Variants in GPC5 observed in about 807,000 individuals in gnomAD.
GPC5 encodes the protein glypican-5.
In GPC5, 47 loss-of-function variants were observed where a neutral mutation model predicts 53.9. That is an observed-to-expected ratio of 0.87 (90% CI 0.69 to 1.11). The LOEUF (loss-of-function observed/expected upper bound fraction) is 1.11, where lower values mean the gene tolerates loss of function less well. GPC5 is among the 50% of genes most tolerant of loss of function. GPC5 has a pLI of 0.00. For missense variants in GPC5, 748 were observed against 713.1 expected (o/e 1.05, Z -0.56); for synonymous variants, 286 against 263.3 (o/e 1.09, Z -0.84).
At chr13:91,530,206 C>T (rs918647789) in intron 2 of GPC5, among the ~76,000 whole-genome samples, 5 of 152,212 alleles carry the variant, frequency 3.3e-5, no homozygotes, top group African/African-American at 9.6e-5. Flanking sequence ...CATCATTACT[C>T]TTCACTTAAA....
chr13:92,716,036 C>T (rs959249063), intron 7 of GPC5, among the ~76,000 whole-genome samples: 13 of 152,126 alleles, frequency 8.5e-5, no homozygotes, highest in African/African-American at 2.9e-4. Context: ...TCCTTATTGT[C>T]AATGATGAAG....
At chr13:92,156,729 A>G (rs898620809) in intron 7 of GPC5, among the ~76,000 whole-genome samples, 7 of 152,084 alleles carry the variant, frequency 4.6e-5, no homozygotes, top group African/African-American at 1.7e-4. Context: ...TCTTACGTGA[A>G]TTTCCCAATC....
At chr13:92,350,181 C>T (rs1425091125) in intron 7 of GPC5, among the ~76,000 whole-genome samples, 2 of 152,124 alleles carry the variant, frequency 1.3e-5, no homozygotes, top group East Asian at 1.9e-4. Flanking sequence ...CAAAATTCAA[C>T]ATTCTTTCAT....
intron 7 of GPC5, among the ~76,000 whole-genome samples, chr13:92,153,233 A>G (rs1321311311): frequency 6.6e-6 from 1 of 152,162 alleles, no homozygotes; most frequent in East Asian, 1.9e-4. Context: ...CCTGGGTTCA[A>G]TTCTCATGCC....
chr13:91,485,327 C>T (rs895895053), intron 2 of GPC5, among the ~76,000 whole-genome samples: 6 of 151,974 alleles, frequency 3.9e-5, no homozygotes, highest in African/African-American at 1.5e-4. Flanking sequence ...GTTCTCCTGC[C>T]TCAGCCTCCT....
chr13:92,427,787 A>T (rs1876901538), intron 7 of GPC5, among the ~76,000 whole-genome samples: 1 of 152,156 alleles, frequency 6.6e-6, no homozygotes, highest in Admixed American at 6.6e-5. Flanking sequence ...AAATCCAAAG[A>T]TCTCAATTAG....
At chr13:92,459,371 A>C (rs1258885180) in intron 7 of GPC5, among the ~76,000 whole-genome samples, 1 of 152,196 alleles carries the variant, frequency 6.6e-6, no homozygotes, top group African/African-American at 2.4e-5. Flanking sequence ...ATTTCAAATC[A>C]CTGTTCCTCA....
At chr13:91,585,310 A>G (rs2032520118) in intron 2 of GPC5, among the ~76,000 whole-genome samples, 2 of 152,226 alleles carry the variant, frequency 1.3e-5, no homozygotes, top group South Asian at 2.1e-4. Context: ...AAAGAAATGC[A>G]TATACATGAA....
intron 7 of GPC5, among the ~76,000 whole-genome samples, chr13:92,569,773 TA>T (rs1207837132): frequency 6.6e-6 from 1 of 152,160 alleles, no homozygotes; most frequent in Non-Finnish European, 1.5e-5. Flanking sequence ...GCCTTTTCCT[TA>T]AAAAAATTCT....
At chr13:92,605,527 T>C (rs1884218438) in intron 7 of GPC5, among the ~76,000 whole-genome samples, 1 of 152,190 alleles carries the variant, frequency 6.6e-6, no homozygotes, top group South Asian at 2.1e-4. Flanking sequence ...CTTTGAAACA[T>C]TTCTGCATCA....
chr13:91,820,372 A>T (rs1159069706), intron 5 of GPC5, among the ~76,000 whole-genome samples: 5 of 152,176 alleles, frequency 3.3e-5, no homozygotes, highest in East Asian at 1.9e-4. Context: ...TTCAACAAAG[A>T]TACCTAGAAA....
intron 7 of GPC5, among the ~76,000 whole-genome samples, chr13:92,579,064 A>G (rs1883279795): frequency 2.0e-5 from 3 of 152,182 alleles, no homozygotes; most frequent in South Asian, 4.1e-4. Context: ...GAGGTCATGG[A>G]AAAGAAAAGT....
At chr13:92,633,668 C>T (rs1338171181) in intron 7 of GPC5, among the ~76,000 whole-genome samples, 1 of 152,000 alleles carries the variant, frequency 6.6e-6, no homozygotes. Context: ...TCAACTTCTT[C>T]AATCCAAATT....
At chr13:92,769,575 CT>C (rs1288565821) in intron 7 of GPC5, among the ~76,000 whole-genome samples, 6 of 152,044 alleles carry the variant, frequency 3.9e-5, no homozygotes, top group Non-Finnish European at 7.4e-5. Flanking sequence ...CACCTCACCC[CT>C]GTCTCTATTT....
At chr13:92,098,674 G>A (rs2041440755) in intron 6 of GPC5, among the ~76,000 whole-genome samples, 1 of 152,154 alleles carries the variant, frequency 6.6e-6, no homozygotes, top group Admixed American at 6.5e-5. Context: ...ATGAAATTAA[G>A]GTGGTTAAAC....
At chr13:92,072,993 G>A (rs938210215) in intron 6 of GPC5, among the ~76,000 whole-genome samples, 7 of 151,728 alleles carry the variant, frequency 4.6e-5, no homozygotes, top group Admixed American at 1.3e-4. Context: ...ATTTTATTTG[G>A]GATTTTGGAT....
chr13:92,138,634 T>C (rs981953782), intron 6 of GPC5, among the ~76,000 whole-genome samples: 2 of 152,240 alleles, frequency 1.3e-5, no homozygotes, highest in Non-Finnish European at 2.9e-5. Flanking sequence ...GGTGCATATA[T>C]GGAAACCCTT....
intron 6 of GPC5, among the ~76,000 whole-genome samples, chr13:91,932,688 T>C (rs754485112): frequency 6.6e-6 from 1 of 151,962 alleles, no homozygotes; most frequent in Non-Finnish European, 1.5e-5. Flanking sequence ...TTGCCTCCAA[T>C]GCATGCCTTT....
chr13:91,588,852 T>C (rs2032694413), intron 2 of GPC5, among the ~76,000 whole-genome samples: 1 of 152,168 alleles, frequency 6.6e-6, no homozygotes, highest in African/African-American at 2.4e-5. Context: ...AAATTTGACC[T>C]GGCAGCCATT....
Sources: gnomAD v4.1 joint callset for allele counts (sites outside exome capture counted in the v4.1 genomes callset) on GRCh38, gnomAD v4.1.1 for gene constraint, MANE v1.5 for transcripts, NCBI Gene and HGNC (gene_info 2026-07-23, HGNC 2026-07-21) for gene names.